Variants in DPP6 observed in about 807,000 individuals in gnomAD.
DPP6 encodes the protein dipeptidyl peptidase like 6.
A neutral mutation model predicts 122.6 loss-of-function variants in DPP6; 69 were observed. That is an observed-to-expected ratio of 0.56 (90% confidence interval 0.46 to 0.69). The LOEUF (loss-of-function observed/expected upper bound fraction) is 0.69. Among genes scored for constraint, DPP6 ranks in the 30% least tolerant of loss-of-function variants. DPP6 has a pLI of 0.00. For missense variants in DPP6, 928 were observed against 1,116.9 expected (o/e 0.83, Z 2.41); for synonymous variants, 418 against 433.1 (o/e 0.97, Z 0.43).
intron 1 of DPP6, among the ~76,000 whole-genome samples, chr7:154,277,733 C>G (rs1270681015): frequency 6.6e-6 from 1 of 152,170 alleles, no homozygotes; most frequent in Non-Finnish European, 1.5e-5. Flanking sequence ...GCACTGTGCT[C>G]TAACTTGGGC....
chr7:154,484,291 T>C (rs1823601548), intron 3 of DPP6, among the ~76,000 whole-genome samples: 1 of 152,214 alleles, frequency 6.6e-6, no homozygotes, highest in East Asian at 1.9e-4. Flanking sequence ...ACAGAATTTG[T>C]CACTCTGCTC....
At chr7:154,497,495 G>C (rs1824848808) in intron 3 of DPP6, among the ~76,000 whole-genome samples, 1 of 151,956 alleles carries the variant, frequency 6.6e-6, no homozygotes, top group Admixed American at 6.6e-5. Context: ...TGTAATCCCA[G>C]CTACTTGGGA....
chr7:154,021,116 G>A (rs533470942), intron 1 of DPP6, among the ~76,000 whole-genome samples: 92 of 152,284 alleles, frequency 6.0e-4, no homozygotes, highest in Middle Eastern at 3.4e-3. Context: ...AGGGTAAGAC[G>A]AGGACCCATC....
intron 1 of DPP6, among the ~76,000 whole-genome samples, chr7:154,045,383 G>A (rs1190452806): frequency 6.6e-6 from 1 of 152,228 alleles, no homozygotes; most frequent in Non-Finnish European, 1.5e-5. Flanking sequence ...AATTGCTCTA[G>A]TACATTGCTC....
intron 2 of DPP6, among the ~76,000 whole-genome samples, chr7:154,465,513 A>G (rs1469687895): frequency 2.6e-5 from 4 of 152,216 alleles, no homozygotes; most frequent in Admixed American, 6.5e-5. Flanking sequence ...CAAATTTACA[A>G]GAAAAAAACA....
intron 1 of DPP6, among the ~76,000 whole-genome samples, chr7:154,393,157 A>G (rs1814768024): frequency 6.6e-6 from 1 of 152,230 alleles, no homozygotes; most frequent in African/African-American, 2.4e-5. Context: ...AGAACAATGT[A>G]GACTCTTGAG....
chr7:154,085,680 C>T (rs1804355067), intron 1 of DPP6, among the ~76,000 whole-genome samples: 1 of 152,128 alleles, frequency 6.6e-6, no homozygotes, highest in African/African-American at 2.4e-5. Context: ...CCATGGCTTT[C>T]TATTGCAACT....
At chr7:154,338,967 A>G (rs887528790) in intron 1 of DPP6, among the ~76,000 whole-genome samples, 2 of 152,150 alleles carry the variant, frequency 1.3e-5, no homozygotes, top group African/African-American at 4.8e-5. Context: ...GCGGGTGCCA[A>G]TCTGTCTCCC....
chr7:153,817,778 A>C, the DPP6 span, among the ~76,000 whole-genome samples: 1 of 30,240 alleles, frequency 3.3e-5, no homozygotes, highest in Non-Finnish European at 5.9e-5. Context: ...GGGTGGGGGG[A>C]GGGGGGAGGG....
intron 1 of DPP6, among the ~76,000 whole-genome samples, chr7:154,044,095 G>T (rs1335056436): frequency 6.6e-6 from 1 of 152,038 alleles, no homozygotes; most frequent in East Asian, 1.9e-4. Flanking sequence ...GAGGGAAAAG[G>T]CTGATCAAAT....
In DPP6 at chr7:154,887,654, C is replaced by T. The variant is rs777771284; in HGVS notation, c.2246-22C>T. The T allele has an allele frequency of 2.3e-5, 37 of 1,613,434 alleles. No individual in the cohort carries two copies. The South Asian group carries it at 2.4e-4, about 11-fold the overall frequency. ...AGGGCCTCGAAGCCAGAGGTAACCT[C>T]CCTCCCTTTGCTTCCGTGCAGCCTC... On this transcript the variant is annotated intron_variant, in intron 22 of 25. Transcript: ENST00000377770.
intron 13 of DPP6, among the ~76,000 whole-genome samples, chr7:154,801,860 C>A (rs1379396078): frequency 1.3e-5 from 2 of 152,078 alleles, no homozygotes; most frequent in Non-Finnish European, 2.9e-5. Flanking sequence ...GTCCAGCCTC[C>A]CATGCTGCCC....
At chr7:154,864,373 G>A (rs1043872750) in intron 17 of DPP6, among the ~76,000 whole-genome samples, 3 of 152,154 alleles carry the variant, frequency 2.0e-5, no homozygotes, top group Admixed American at 6.5e-5. Flanking sequence ...GGGACGCAGC[G>A]AGGGAAGCAG....
intron 9 of DPP6, among the ~76,000 whole-genome samples, chr7:154,772,218 G>A (rs1024778937): frequency 2.6e-5 from 4 of 152,164 alleles, no homozygotes; most frequent in African/African-American, 9.7e-5. Context: ...CTAAATCAGA[G>A]GCATGAATAG....
rs1798378517 is a variant in DPP6 at position 154,186,890 on chromosome 7, TA to T, written c.243+133831del. Among the ~76,000 whole-genome samples, 15 of 152,354 alleles carry T rather than the reference TA, an allele frequency of 9.8e-5. No homozygotes were observed. In the South Asian group the frequency reaches 3.1e-3, roughly 32 times the overall value. Reference sequence around the variant, plus strand: ...AGAAAACAGTTTCAGAGGAAGGATTTAAAAGCCTCTTAATGGAGGAGTGGCT... The same window carrying T: ...AGAAAACAGTTTCAGAGGAAGGATTTAAAGCCTCTTAATGGAGGAGTGGCT... On this transcript the variant is annotated intron_variant, in intron 1 of 25. Transcript: ENST00000377770.
At chr7:154,383,213 T>G (rs998478235) in intron 1 of DPP6, among the ~76,000 whole-genome samples, 6 of 152,224 alleles carry the variant, frequency 3.9e-5, no homozygotes, top group Non-Finnish European at 7.3e-5. Flanking sequence ...TATTAATATA[T>G]AACAGGCTGA....
rs150345782 is a variant in DPP6 at position 154,297,583 on chromosome 7, A to G, written c.244-148631A>G. ...AGTAATATGAACAGAAAACAGAAGA[A>G]GGACTTGGACTGTATCAATTTTGGC... On this transcript the variant is annotated intron_variant, in intron 1 of 25. Coordinates refer to ENST00000377770, the MANE Select transcript of DPP6 (RefSeq NM_130797.4). 8.5e-5 allele frequency among the ~76,000 whole-genome samples: 13 copies of G among 152,352 alleles called. No homozygotes were observed. The East Asian group carries it at 2.3e-3, about 27-fold the overall frequency.
At chr7:153,967,631 C>T (rs1445586557) in intron 1 of DPP6, among the ~76,000 whole-genome samples, 1 of 152,012 alleles carries the variant, frequency 6.6e-6, no homozygotes, top group Non-Finnish European at 1.5e-5. Flanking sequence ...TCCAACCTAA[C>T]ATCAGTGTCT....
intron 3 of DPP6, among the ~76,000 whole-genome samples, chr7:154,518,554 T>C (rs888139409): frequency 6.6e-6 from 1 of 152,128 alleles, no homozygotes; most frequent in East Asian, 1.9e-4. Flanking sequence ...CTAGTCCAGA[T>C]GATGAATTGC....
Sources: gnomAD v4.1 joint callset for allele counts (sites outside exome capture counted in the v4.1 genomes callset) on GRCh38, gnomAD v4.1.1 for gene constraint, MANE v1.5 for transcripts, NCBI Gene and HGNC (gene_info 2026-07-23, HGNC 2026-07-21) for gene names.